Variants in GPHN observed in about 807,000 individuals in gnomAD.
The protein encoded by GPHN is gephyrin.
GPHN carries 17 observed loss-of-function variants against 95.5 expected under a neutral mutation model. That is an observed-to-expected ratio of 0.18 (90% confidence interval 0.12 to 0.27). The LOEUF (loss-of-function observed/expected upper bound fraction) is 0.27, where lower values mean the gene tolerates loss of function less well. Ranked by LOEUF, GPHN falls within the 10% of genes least tolerant of loss-of-function variation. The pLI is 1.00. For synonymous variants in GPHN, 320 were observed against 322.5 expected (o/e 0.99, Z 0.08); for missense variants, 660 against 978.1 (o/e 0.67, Z 4.34).
At chr14:67,193,944 C>CAAAAAATAACA in the GPHN span, among the ~76,000 whole-genome samples, 1 of 33,880 alleles carries the variant, frequency 3.0e-5, no homozygotes, top group Non-Finnish European at 5.0e-5. Context: ...GACCCTGTCT[C>CAAAAAATAACA]AAAAAAAAAC....
the GPHN span, chr14:67,571,244 A>G: frequency 8.3e-4 from 133 of 160,162 alleles, 1 homozygote; most frequent in Admixed American, 6.2e-3. Context: ...CAAATTATAT[A>G]CATGTTTTAA....
chr14:67,199,463 G>A, the GPHN span: 1 of 1,612,776 alleles, frequency 6.2e-7, no homozygotes, highest in African/African-American at 1.3e-5. Flanking sequence ...GATTATGTGG[G>A]ACCCTGACAC....
At chr14:67,479,176 G>A in the GPHN span, among the ~76,000 whole-genome samples, 1 of 152,186 alleles carries the variant, frequency 6.6e-6, no homozygotes, top group African/African-American at 2.4e-5. Flanking sequence ...GGGAGGCTGA[G>A]GTGGGTGGAT....
At chr14:66,615,803 C>T (rs554997515) in intron 1 of GPHN, among the ~76,000 whole-genome samples, 1 of 151,690 alleles carries the variant, frequency 6.6e-6, no homozygotes, top group Admixed American at 6.5e-5. Context: ...TGCCTGTGTC[C>T]TGAATGATAT....
chr14:67,439,533 G>GTTTCTTTCTTTC, the GPHN span, among the ~76,000 whole-genome samples: 4,024 of 95,816 alleles, frequency 0.042, 112 homozygotes, highest in East Asian at 0.068. Context: ...AAATTCAATA[G>GTTTCTTTCTTTC]TTTCTTTCTT....
chr14:67,172,375 C>T (rs1242466655), intron 21 of GPHN, among the ~76,000 whole-genome samples: 1 of 152,150 alleles, frequency 6.6e-6, no homozygotes, highest in Non-Finnish European at 1.5e-5. Context: ...TAAGTTGAGC[C>T]AGCACCCAGC....
intron 1 of GPHN, among the ~76,000 whole-genome samples, chr14:66,635,348 C>T (rs191523567): frequency 4.6e-5 from 7 of 152,050 alleles, no homozygotes; most frequent in Admixed American, 3.9e-4. Context: ...ATGTTGTGGC[C>T]CTTTTAAGAA....
the GPHN span, chr14:67,333,614 A>G: frequency 6.6e-6 from 1 of 152,568 alleles, no homozygotes; most frequent in African/African-American, 2.4e-5. Flanking sequence ...TGTGGATCAG[A>G]CTCTACACTC....
Position 66,965,234 on chromosome 14 carries a change from G to A in GPHN, c.872G>A (p.Arg291Gln), listed in dbSNP as rs774716332. 5.0e-6 allele frequency: 8 copies of A among 1,611,324 alleles called. No individual in the cohort carries two copies. The highest frequency in any genetic ancestry group is 2.7e-5 in the African/African-American group (2 of 74,794). ...TCTCGTGGTGTTCAGGTGCTCCCAC[G>A]AGACACAGCCTCCCTCAGCACTACT... Reference protein sequence around the residue: ...IISRGVQVLPRDTASLSTTPS... With the variant: ...IISRGVQVLPQDTASLSTTPS... Residue 291 changes from arginine (R) to glutamine (Q), a missense_variant, in exon 9 of 23, where the codon CGA becomes CAA. Transcript: ENST00000478722.
chr14:67,392,769 T>A, the GPHN span: 1 of 1,614,086 alleles, frequency 6.2e-7, no homozygotes, highest in Non-Finnish European at 8.5e-7. Flanking sequence ...TTCTCCTCCA[T>A]GAGCATGGAG....
the GPHN span, among the ~76,000 whole-genome samples, chr14:67,631,093 T>C: frequency 6.6e-6 from 1 of 152,166 alleles, no homozygotes; most frequent in African/African-American, 2.4e-5. Flanking sequence ...TCCTAACCTG[T>C]CCTTTCGGTA....
the GPHN span, among the ~76,000 whole-genome samples, chr14:67,535,257 G>A: frequency 1.3e-5 from 2 of 151,892 alleles, no homozygotes; most frequent in Non-Finnish European, 2.9e-5. Flanking sequence ...ACAGGCATGG[G>A]AAGAAGCCTT....
the GPHN span, chr14:67,199,357 G>T: frequency 6.2e-7 from 1 of 1,614,006 alleles, no homozygotes; most frequent in East Asian, 2.2e-5. Flanking sequence ...TGGATGTAGG[G>T]GCCAACATTT....
chr14:67,163,853 G>GA (rs111732813), intron 19 of GPHN, among the ~76,000 whole-genome samples: 1,534 of 147,400 alleles, frequency 0.01, 16 homozygotes, highest in African/African-American at 0.031. Flanking sequence ...GTAATTAATA[G>GA]AAAAAAAAAA....
At chr14:67,505,251 G>A in the GPHN span, among the ~76,000 whole-genome samples, 4 of 152,118 alleles carry the variant, frequency 2.6e-5, no homozygotes, top group Non-Finnish European at 5.9e-5. Context: ...GGAATTTTGG[G>A]GTTGCTGTTA....
intron 2 of GPHN, among the ~76,000 whole-genome samples, chr14:66,724,837 A>G (rs112335169): frequency 2.0e-5 from 3 of 152,224 alleles, no homozygotes; most frequent in African/African-American, 4.8e-5. Context: ...ACCCTATCAT[A>G]TTAAAAATTG....
At chr14:67,292,731 A>G in the GPHN span, 1 of 1,605,942 alleles carries the variant, frequency 6.2e-7, no homozygotes, top group South Asian at 1.1e-5. Flanking sequence ...TATGTATTCT[A>G]AACATCTTGT....
At chr14:67,587,329 GC>G in the GPHN span, 3 of 1,368,648 alleles carry the variant, frequency 2.2e-6, no homozygotes, top group Non-Finnish European at 3.1e-6. Context: ...GGGTCTAACA[GC>G]CCCCGGCTAC....
intron 3 of GPHN, among the ~76,000 whole-genome samples, chr14:66,794,160 T>C (rs1401149701): frequency 6.6e-6 from 1 of 152,114 alleles, no homozygotes; most frequent in East Asian, 1.9e-4. Context: ...GTGTTGGAGG[T>C]GGGGCCTGGT....
Sources: gnomAD v4.1 joint callset for allele counts (sites outside exome capture counted in the v4.1 genomes callset) on GRCh38, gnomAD v4.1.1 for gene constraint, MANE v1.5 for transcripts, NCBI Gene and HGNC (gene_info 2026-07-23, HGNC 2026-07-21) for gene names.